KIF18A: variants seen among roughly 807,000 people sequenced by gnomAD.
KIF18A encodes kinesin-like protein KIF18A.
In KIF18A, 67 loss-of-function variants were observed where a neutral mutation model predicts 103.3. The ratio of observed to expected loss-of-function variants is 0.65; its 90% CI spans 0.53 to 0.79. The LOEUF (loss-of-function observed/expected upper bound fraction) is 0.79. KIF18A is among the 30% of genes least tolerant of loss of function. The pLI, the probability that KIF18A is intolerant of heterozygous loss-of-function variation, is 0.00. For missense variants in KIF18A, 1,032 were observed against 1,062.5 expected (o/e 0.97, Z 0.40); for synonymous variants, 367 against 355.5 (o/e 1.03, Z -0.36).
chr11:28,088,800 C>A, intron 5 of KIF18A, 79 bp from the exon 6 acceptor site: 1 of 1,061,578 alleles, frequency 9.4e-7, no homozygotes, highest in Non-Finnish European at 1.4e-6. Flanking sequence ...TTTAATAGAG[C>A]ACAAAATCAA....
At position 28,062,398 on chromosome 11, in the gene KIF18A, T is replaced by G; in HGVS notation, c.1709A>C (p.Glu570Ala). Residue 570 changes from glutamate to alanine, a missense_variant, in exon 12 of 17, where the codon GAA (glutamate) becomes GCA (alanine). Transcript: ENST00000263181. ...ATAGGTAAATGTATGTACTCACGCTTCAGTCTGCCTGTGTTGCTGTTCCTG... is the reference window on the plus strand; with the variant it reads ...ATAGGTAAATGTATGTACTCACGCTGCAGTCTGCCTGTGTTGCTGTTCCTG... ...CLQEQQHRQT[E>A]AVLNALLPTL... 6.2e-7 allele frequency: 1 copy of G among 1,605,878 alleles called. No homozygotes were observed. The highest frequency in any genetic ancestry group is 8.5e-7 in the Non-Finnish European group (1 of 1,175,976).
chr11:28,075,925 G>T (rs941295144), intron 10 of KIF18A, among the ~76,000 whole-genome samples: 11 of 152,072 alleles, frequency 7.2e-5, no homozygotes, highest in African/African-American at 2.7e-4. Context: ...AGCCTATAAT[G>T]GTAGTGTTCA....
intron 16 of KIF18A, 78 bp downstream of exon 16, chr11:28,023,663 C>A: frequency 4.5e-6 from 3 of 669,736 alleles, no homozygotes; most frequent in South Asian, 2.4e-5. Flanking sequence ...CTTATGAAAA[C>A]ACAATAAAAA....
chr11:28,079,825 A>G (rs1048300432), intron 9 of KIF18A, among the ~76,000 whole-genome samples: 7 of 152,120 alleles, frequency 4.6e-5, no homozygotes, highest in African/African-American at 1.7e-4. Flanking sequence ...ACTCAAGATT[A>G]ACATCTTGAT....
rs78806141 is a variant in KIF18A, at chr11:28,050,697, A to G, written c.1948+8229T>C. On this transcript the variant is annotated intron_variant, in intron 13 of 16. Transcript: ENST00000263181. ...ATGAGGAAATCTTGACTTTTCATTT[A>G]ATGTCAGAAATTTTATCAGTTCCAT... 2.2e-3 allele frequency among the ~76,000 whole-genome samples: 327 copies of G among 151,938 alleles called. 4 individuals carry two copies. In the East Asian group the frequency reaches 0.042, roughly 19 times the overall value.
At chr11:28,033,333 T>A (rs545661541) in intron 15 of KIF18A, among the ~76,000 whole-genome samples, 4 of 151,402 alleles carry the variant, frequency 2.6e-5, no homozygotes, top group African/African-American at 9.7e-5. Flanking sequence ...AGTGCTACCA[T>A]ACGATCCAGC....
chr11:28,104,832 A>G (rs1300213007), intron 1 of KIF18A, among the ~76,000 whole-genome samples: 1 of 152,138 alleles, frequency 6.6e-6, no homozygotes, highest in East Asian at 1.9e-4. Flanking sequence ...GCATGTTACC[A>G]TTTGTATTTT....
At chr11:28,039,892 T>G (rs1282949338) in intron 13 of KIF18A, among the ~76,000 whole-genome samples, 1 of 151,698 alleles carries the variant, frequency 6.6e-6, no homozygotes, top group Non-Finnish European at 1.5e-5. Context: ...TCTAAAGAGT[T>G]CTTTTCATTC....
chr11:28,098,395 A>C (rs1851403103), intron 1 of KIF18A, among the ~76,000 whole-genome samples: 2 of 152,212 alleles, frequency 1.3e-5, no homozygotes, highest in Admixed American at 6.5e-5. Context: ...GGTCATGGGA[A>C]TGAATAGAAA....
At chr11:28,101,174 A>G (rs758592332) in intron 1 of KIF18A, among the ~76,000 whole-genome samples, 1 of 152,066 alleles carries the variant, frequency 6.6e-6, no homozygotes, top group Non-Finnish European at 1.5e-5. Context: ...GAACTGCCCT[A>G]TTAGAGGATG....
intron 11 of KIF18A, 31 bp from the exon 12 acceptor site, chr11:28,062,547 A>C: frequency 6.3e-7 from 1 of 1,579,360 alleles, no homozygotes; most frequent in Non-Finnish European, 8.6e-7. Context: ...TGTACTTCAG[A>C]TCACTCTAAG....
chr11:28,047,077 A>AG, intron 13 of KIF18A, among the ~76,000 whole-genome samples: 1 of 150,952 alleles, frequency 6.6e-6, no homozygotes, highest in Non-Finnish European at 1.5e-5. Context: ...AAAAAAAAAA[A>AG]AGAGAAAGAA....
intron 10 of KIF18A, among the ~76,000 whole-genome samples, chr11:28,072,094 G>A (rs1327449159): frequency 6.6e-6 from 1 of 152,076 alleles, no homozygotes; most frequent in Non-Finnish European, 1.5e-5. Context: ...AAAATGGCAA[G>A]TAAGTGTTTG....
At chr11:28,048,903 G>A (rs964951304) in intron 13 of KIF18A, among the ~76,000 whole-genome samples, 11 of 152,028 alleles carry the variant, frequency 7.2e-5, no homozygotes, top group African/African-American at 2.7e-4. Flanking sequence ...AAATTGCAGA[G>A]GCCAGAAACA....
chr11:28,022,152 C>CT (rs536536367), intron 16 of KIF18A, among the ~76,000 whole-genome samples: 52 of 152,080 alleles, frequency 3.4e-4, no homozygotes, highest in African/African-American at 1.2e-3. Flanking sequence ...TCATCTCCCA[C>CT]TTTTTTTTCC....
At chr11:28,026,350 T>C (rs1850320819) in intron 15 of KIF18A, among the ~76,000 whole-genome samples, 1 of 151,702 alleles carries the variant, frequency 6.6e-6, no homozygotes, top group South Asian at 2.1e-4. Context: ...TATATAAAGC[T>C]GCTAAATGGA....
In KIF18A at chr11:28,107,376, TA is replaced by T. The variant is rs201819577; in HGVS notation, c.-47+687del. On this transcript the variant is annotated intron_variant, in intron 1 of 16. Coordinates refer to ENST00000263181, the MANE Select transcript of KIF18A (RefSeq NM_031217.4). ...TGTAACTGAGTGACTAATGAGCTCC[TA>T]AAAAAAAAAAAAAGTCCTGCGGAAA... Among the ~76,000 whole-genome samples the T allele has an allele frequency of 8.1e-3, 1,105 of 136,224 alleles. 9 individuals carry two copies. Among genetic ancestry groups the T allele is most frequent in the East Asian group, 0.058 (279 of 4,810 alleles). 89.4% of individuals were successfully genotyped at this position (136,224 alleles called of 152,430 possible). A position where few individuals can be genotyped will look rare whatever the true frequency, so the allele number is the denominator to read the frequency against.
chr11:28,088,787 T>C, intron 5 of KIF18A, 66 bp from the exon 6 acceptor site: 3 of 1,221,106 alleles, frequency 2.5e-6, no homozygotes, highest in South Asian at 1.3e-5. Context: ...GGGAAATATA[T>C]ACTTTAATAG....
rs954027534 is a variant in KIF18A, at chr11:28,078,174, A to G, written c.1263-1005T>C. On this transcript the variant is annotated intron_variant, in intron 9 of 16. Transcript: ENST00000263181. ...GATATACTCATAAGGATCAGCGGTA[A>G]AAACACTGCCAATTTACGTCAGTAG... Among the ~76,000 whole-genome samples the G allele has an allele frequency of 3.3e-5, 5 of 152,140 alleles. No homozygotes were observed. In the South Asian group the frequency reaches 1.0e-3, roughly 31 times the overall value.
Sources: gnomAD v4.1 joint callset for allele counts (sites outside exome capture counted in the v4.1 genomes callset) on GRCh38, gnomAD v4.1.1 for gene constraint, MANE v1.5 for transcripts, NCBI Gene and HGNC (gene_info 2026-07-23, HGNC 2026-07-21) for gene names.